CFAP91: variants seen among roughly 807,000 people sequenced by gnomAD.
CFAP91 encodes cilia and flagella associated protein 91.
In CFAP91, 85 loss-of-function variants were observed where a neutral mutation model predicts 95.9. That is an observed-to-expected ratio of 0.89 (90% CI 0.74 to 1.06). The LOEUF is 1.06. Ranked by LOEUF, CFAP91 falls within the 50% of genes least tolerant of loss-of-function variation. The pLI is 0.00. For missense variants in CFAP91, 962 were observed against 943.4 expected, an observed-to-expected ratio of 1.02 and a Z score of -0.26; for synonymous variants, 335 against 327.5, an observed-to-expected ratio of 1.02 and a Z score of -0.25.
At chr3:119,758,203 G>T (rs1280736107) in intron 17 of CFAP91, among the ~76,000 whole-genome samples, 2 of 152,100 alleles carry the variant, frequency 1.3e-5, no homozygotes, top group Non-Finnish European at 2.9e-5. Flanking sequence ...TTCTAAGTAA[G>T]AACACCATCC....
intron 13 of CFAP91, among the ~76,000 whole-genome samples, chr3:119,743,363 C>T (rs9289133): frequency 0.016 from 2,409 of 152,274 alleles, 58 homozygotes; most frequent in African/African-American, 0.055. Context: ...GGTGATCCAC[C>T]CGCCTCAGCC....
At chr3:119,724,482 TTAC>T (rs1304705744) in intron 6 of CFAP91, among the ~76,000 whole-genome samples, 2 of 152,098 alleles carry the variant, frequency 1.3e-5, no homozygotes, top group African/African-American at 4.8e-5. Context: ...ATTTTTTAAA[TTAC>T]TAAAGAAAAT....
At position 119,707,561 on chromosome 3, in the gene CFAP91, C is replaced by A; in HGVS notation, c.359C>A (p.Thr120Lys). 1 of 1,560,148 alleles carries A rather than the reference C, an allele frequency of 6.4e-7. No homozygotes were observed. Among genetic ancestry groups the A allele is most frequent in the Non-Finnish European group, 8.7e-7 (1 of 1,143,842 alleles). The change falls in exon 3 of 18, where the codon ACA becomes AAA. Residue 120 changes from threonine (T) to lysine (K), a missense_variant and splice_region_variant. Thr to Lys is a moderately conservative substitution (Grantham distance 78). Transcript: ENST00000273390. ...KHREALRQLT[T>K]TDASFQMPKE... ...AGAGAAGCCCTCCGGCAGCTCACCA[C>A]GTAAGTGTCGGGTGGCTCCAGGGCC... is the stretch of plus-strand genomic sequence containing the variant.
In CFAP91 at chr3:119,750,838, T is replaced by C. The variant is rs182283098; in HGVS notation, c.2144-99T>C. On this transcript the variant is annotated intron_variant, in intron 16 of 17. Transcript: ENST00000273390. Reference sequence around the variant, plus strand: ...TTAGATTTGGGTTGGGTTTTACCTTTAATTTGCAAAATTATTTCTATCATG... The same window carrying C: ...TTAGATTTGGGTTGGGTTTTACCTTCAATTTGCAAAATTATTTCTATCATG... 22 of 1,441,334 alleles carry C rather than the reference T, an allele frequency of 1.5e-5. No homozygotes were observed. The East Asian group carries it at 4.3e-4, about 28-fold the overall frequency. The allele number at this position is 1,441,334 out of a possible 1,614,324, so 89.3% of individuals were successfully genotyped here. A position where few individuals can be genotyped will look rare whatever the true frequency, so the allele number is the denominator to read the frequency against.
chr3:119,719,502 T>C (rs2053641437), intron 6 of CFAP91, among the ~76,000 whole-genome samples: 1 of 152,246 alleles, frequency 6.6e-6, no homozygotes, highest in Admixed American at 6.5e-5. Context: ...GCTTATGATG[T>C]GTCAAGAACT....
At chr3:119,724,134 C>T (rs2053735817) in intron 6 of CFAP91, among the ~76,000 whole-genome samples, 1 of 144,410 alleles carries the variant, frequency 6.9e-6, no homozygotes, top group South Asian at 2.2e-4. Flanking sequence ...TGCCATTGCA[C>T]TCCAGCCTGG....
intron 1 of CFAP91, among the ~76,000 whole-genome samples, chr3:119,705,677 T>C (rs1274628521): frequency 2.6e-5 from 4 of 152,244 alleles, no homozygotes; most frequent in Non-Finnish European, 5.9e-5. Context: ...TTTTTAAAAA[T>C]AACAACCCTC....
chr3:119,713,791 T>A (rs1284639192), intron 5 of CFAP91, among the ~76,000 whole-genome samples: 1 of 152,192 alleles, frequency 6.6e-6, no homozygotes, highest in African/African-American at 2.4e-5. Context: ...AAAAATGGAA[T>A]CCTACTATAC....
intron 8 of CFAP91, among the ~76,000 whole-genome samples, chr3:119,730,601 AGTGTGTGTGTGTGTGT>A (rs60453079): frequency 6.8e-4 from 93 of 137,202 alleles, no homozygotes; most frequent in African/African-American, 2.0e-3. Context: ...TTACTGAGAT[AGTGTGTGTGTGTGTGT>A]GTGTGTGTGT....
intron 10 of CFAP91, among the ~76,000 whole-genome samples, chr3:119,737,062 A>G (rs1200202389): frequency 6.6e-6 from 1 of 152,090 alleles, no homozygotes; most frequent in Non-Finnish European, 1.5e-5. Flanking sequence ...TGGTCGGTTA[A>G]TATATTTTTA....
chr3:119,726,373 C>A (rs2053784453), intron 7 of CFAP91, 25 bp downstream of exon 7: 2 of 1,593,686 alleles, frequency 1.3e-6, no homozygotes, highest in Non-Finnish European at 1.7e-6. Context: ...ACCCAGACAA[C>A]TGTTCCTGCA....
rs142364114 is a variant in CFAP91 at position 119,765,580 on chromosome 3, C to G, written c.*530C>G. On this transcript the variant is annotated 3_prime_UTR_variant, in exon 18 of 18. Coordinates refer to ENST00000273390, the MANE Select transcript of CFAP91 (RefSeq NM_033364.4). ...TGGAAACCCAAGTGTCCATCTCCAT[C>G]GGAACAGAAAACTATACTTTGGTCT... The G allele has an allele frequency of 3.3e-5, 5 of 152,174 alleles. No homozygotes were observed. Among genetic ancestry groups the G allele is most frequent in the African/African-American group, 1.2e-4 (5 of 41,436 alleles). The allele number at this position is 152,174 out of a possible 1,614,324, so 9.4% of individuals were successfully genotyped here.
At chr3:119,706,713 G>A in intron 1 of CFAP91, 96 bp from the exon 2 acceptor site, 1 of 929,916 alleles carries the variant, frequency 1.1e-6, no homozygotes. Context: ...TTTTAAATTT[G>A]TTTTCCAATT....
intron 17 of CFAP91, among the ~76,000 whole-genome samples, chr3:119,758,557 G>C (rs1014287920): frequency 6.6e-6 from 1 of 152,132 alleles, no homozygotes; most frequent in African/African-American, 2.4e-5. Context: ...ATGGAAGCAT[G>C]TTCATCTTAC....
chr3:119,756,492 T>C (rs2107920003), intron 17 of CFAP91, among the ~76,000 whole-genome samples: 1 of 152,278 alleles, frequency 6.6e-6, no homozygotes, highest in Admixed American at 6.5e-5. Flanking sequence ...GTTGGAAGGT[T>C]GGAAATAAAT....
Position 119,747,823 on chromosome 3 carries a change from T to G in CFAP91, c.2064T>G (p.Leu688=), listed in dbSNP as rs1396551987. Reference sequence around the variant, plus strand: ...TTATATTTTTTAGCCGAACCTATCTTCAGTCAGAGGAGATTGTTGCTGAGT... The same window carrying G: ...TTATATTTTTTAGCCGAACCTATCTGCAGTCAGAGGAGATTGTTGCTGAGT... The part of the protein sequence containing the change: ...AYEMESRRTY[L]QSEEIVAELV... The change falls in exon 16 of 18, where the codon CTT becomes CTG. Residue 688 remains leucine (L), a synonymous_variant. Coordinates refer to ENST00000273390, the MANE Select transcript of CFAP91 (RefSeq NM_033364.4). 1.2e-6 allele frequency: 2 copies of G among 1,612,408 alleles called. No individual in the cohort carries two copies. The highest frequency in any genetic ancestry group is 2.7e-5 in the African/African-American group (2 of 74,918).
chr3:119,757,934 T>A (rs1343679562), intron 17 of CFAP91, among the ~76,000 whole-genome samples: 2 of 152,142 alleles, frequency 1.3e-5, no homozygotes, highest in Non-Finnish European at 2.9e-5. Flanking sequence ...TGTTTGAATA[T>A]CTCTTGTTAT....
At chr3:119,753,967 A>T (rs973756529) in intron 17 of CFAP91, among the ~76,000 whole-genome samples, 1 of 152,218 alleles carries the variant, frequency 6.6e-6, no homozygotes, top group Non-Finnish European at 1.5e-5. Flanking sequence ...CATCTAGTCT[A>T]TGGTGTTTGG....
At chr3:119,708,078 G>A (rs1476389348) in intron 3 of CFAP91, among the ~76,000 whole-genome samples, 2 of 152,060 alleles carry the variant, frequency 1.3e-5, no homozygotes, top group African/African-American at 4.8e-5. Context: ...TCAGGAGATT[G>A]AGACCATCCT....
Sources: allele counts gnomAD v4.1 joint callset (sites outside exome capture counted in the v4.1 genomes callset), GRCh38; gene constraint gnomAD v4.1.1; transcripts MANE v1.5; gene names NCBI Gene and HGNC (gene_info 2026-07-23, HGNC 2026-07-21).